The following HSPA12B variants were observed in gnomAD, a reference collection of about 807,000 sequenced individuals.
HSPA12B encodes the protein heat shock protein family A (Hsp70) member 12B, also known as heat shock 70 kDa protein 12B.
HSPA12B carries 54 observed loss-of-function variants against 69.3 expected under a neutral mutation model. The ratio of observed to expected loss-of-function variants is 0.78; its 90% CI spans 0.63 to 0.98. The LOEUF is 0.98. HSPA12B is among the 50% of genes least tolerant of loss of function. The pLI is 0.00. For missense variants in HSPA12B, 929 were observed against 999.8 expected, an observed-to-expected ratio of 0.93 and a Z score of 0.96; for synonymous variants, 441 against 436.5, an observed-to-expected ratio of 1.01 and a Z score of -0.13.
chr20:3,741,968 A>G (rs1257622422), intron 3 of HSPA12B, among the ~76,000 whole-genome samples: 2 of 145,990 alleles, frequency 1.4e-5, no homozygotes, highest in African/African-American at 2.5e-5. Flanking sequence ...ATGGCTGCCT[A>G]TGAAGATGGT....
At position 3,750,094 on chromosome 20, in the gene HSPA12B, G is replaced by A. The variant is rs1404587939; in HGVS notation, c.1168G>A (p.Ala390Thr). The change falls in exon 11 of 13, where the codon GCC becomes ACC. Residue 390 changes from alanine (A) to threonine (T), a missense_variant. Transcript: ENST00000254963. ...RPAAWVDLTIAFEARKRTAGP... is the reference protein window; with the variant it reads ...RPAAWVDLTITFEARKRTAGP... ...GGCAGCCTGGGTAGATCTGACCATCGCCTTCGAGGCTCGCAAGCGCACTGC... is the reference window on the plus strand; with the variant it reads ...GGCAGCCTGGGTAGATCTGACCATCACCTTCGAGGCTCGCAAGCGCACTGC... The A allele has an allele frequency of 6.2e-7, 1 of 1,612,128 alleles. No homozygotes were observed. Among genetic ancestry groups the A allele is most frequent in the East Asian group, 2.2e-5 (1 of 44,846 alleles).
intron 8 of HSPA12B, 41 bp downstream of exon 8, chr20:3,748,432 A>G: frequency 6.8e-7 from 1 of 1,463,944 alleles, no homozygotes. Flanking sequence ...CTGGAGGGTC[A>G]GAGGGTCACT....
At chr20:3,734,305 G>A (rs1170594107) in intron 1 of HSPA12B, among the ~76,000 whole-genome samples, 1 of 152,184 alleles carries the variant, frequency 6.6e-6, no homozygotes, top group Admixed American at 6.5e-5. Flanking sequence ...AATCGGCCCT[G>A]CCTATTGGGT....
chr20:3,751,658 T>C lies in HSPA12B; in HGVS notation c.1553T>C (p.Leu518Pro). The C allele has an allele frequency of 6.6e-7, 1 of 1,521,044 alleles. No homozygotes were observed. The highest frequency in any genetic ancestry group is 8.8e-7 in the Non-Finnish European group (1 of 1,138,944). 94.2% of individuals were successfully genotyped at this position (1,521,044 alleles called of 1,614,324 possible). ...GTCGTGGTCCCGCACGACGTGGGCCTCACCATCCTCAAAGGCGCGGTGCTG... is the reference window on the plus strand; with the variant it reads ...GTCGTGGTCCCGCACGACGTGGGCCCCACCATCCTCAAAGGCGCGGTGCTG... ...LRVVVPHDVG[L>P]TILKGAVLFG... is the part of the protein sequence containing the mutation. Residue 518 changes from leucine (L) to proline (P), a missense_variant, in exon 13 of 13, where the codon CTC becomes CCC. By Grantham distance (98) the Leu-to-Pro change is moderately conservative (BLOSUM62 -3). Transcript: ENST00000254963.
In HSPA12B at chr20:3,750,090, C is replaced by T. The variant is rs760009470; in HGVS notation, c.1164C>T (p.Thr388=). The T allele has an allele frequency of 3.1e-6, 5 of 1,612,182 alleles. No homozygotes were observed. The African/African-American group carries it at 6.7e-5, about 22-fold the overall frequency. Residue 388 remains threonine, a synonymous_variant, in exon 11 of 13, where the codon ACC becomes ACT. Coordinates refer to ENST00000254963, the MANE Select transcript of HSPA12B (RefSeq NM_052970.5). ...RQRPAAWVDL[T]IAFEARKRTA... ...GGCCGGCAGCCTGGGTAGATCTGAC[C>T]ATCGCCTTCGAGGCTCGCAAGCGCA...
chr20:3,742,483 T>A (rs2088220010), intron 4 of HSPA12B, 75 bp downstream of exon 4: 4 of 1,213,154 alleles, frequency 3.3e-6, no homozygotes, highest in Admixed American at 3.6e-5. Context: ...AAAAGTACTG[T>A]CACCGAGACA....
intron 1 of HSPA12B, among the ~76,000 whole-genome samples, chr20:3,733,874 G>A (rs533857238): frequency 6.6e-6 from 1 of 152,182 alleles, no homozygotes; most frequent in Non-Finnish European, 1.5e-5. Context: ...AATGACCTGG[G>A]TGGGCTCTTT....
In HSPA12B at chr20:3,745,038, C is replaced by A. The variant is rs746188452; in HGVS notation, c.403C>A (p.Arg135=). Residue 135 remains arginine, a synonymous_variant, in exon 5 of 13, where the codon CGG becomes AGG. Coordinates refer to ENST00000254963, the MANE Select transcript of HSPA12B (RefSeq NM_052970.5). This position sits in a 1 kb window ranked among gnomAD's most constrained non-coding sequence, Gnocchi z 5.6. The part of the protein sequence containing the change: ...YYHDLDPEEA[R]DWLYFEKFKM... Reference sequence around the variant, plus strand: ...CCATGACCTGGACCCCGAAGAGGCGCGGGACTGGCTCTACTTCGAGAAGTT... The same window carrying A: ...CCATGACCTGGACCCCGAAGAGGCGAGGGACTGGCTCTACTTCGAGAAGTT... 2 of 1,613,768 alleles carry A rather than the reference C, an allele frequency of 1.2e-6. No homozygotes were observed. The highest frequency in any genetic ancestry group is 1.1e-5 in the South Asian group (1 of 91,076).
intron 12 of HSPA12B, 28 bp downstream of exon 12, chr20:3,750,935 C>T (rs779413834): frequency 1.4e-5 from 22 of 1,583,078 alleles, no homozygotes; most frequent in Non-Finnish European, 1.8e-5. Flanking sequence ...GTCCCCCACC[C>T]GCCCCTACAT....
intron 8 of HSPA12B, 30 bp downstream of exon 8, chr20:3,748,421 C>G: frequency 1.3e-6 from 2 of 1,528,506 alleles, no homozygotes; most frequent in Admixed American, 3.9e-5. Context: ...ACCACCCACC[C>G]CTGGAGGGTC....
rs935935348 is a variant in HSPA12B, at chr20:3,743,138, G to A, written c.266+730G>A. Among the ~76,000 whole-genome samples the A allele has an allele frequency of 4.0e-5, 6 of 149,804 alleles. No homozygotes were observed. In the East Asian group the frequency reaches 5.9e-4, roughly 15 times the overall value. On this transcript the variant is annotated intron_variant, in intron 4 of 12. Coordinates refer to ENST00000254963, the MANE Select transcript of HSPA12B (RefSeq NM_052970.5). ...TGACTTCGGGTGATCCGCCAGCCTC[G>A]GCCTCCCAGAGTGCTAGGATTACAG... is the stretch of plus-strand genomic sequence containing the variant.
intron 7 of HSPA12B, 32 bp downstream of exon 7, chr20:3,746,063 GCTCAGGAA>G (rs759685918): frequency 6.5e-7 from 1 of 1,528,560 alleles, no homozygotes. Flanking sequence ...CGAGAACACT[GCTCAGGAA>G]GGGCCAGGCC....
intron 1 of HSPA12B, 139 bp from the exon 2 acceptor site, chr20:3,738,518 TC>T: frequency 2.9e-6 from 2 of 694,816 alleles, no homozygotes; most frequent in Non-Finnish European, 5.1e-6. Context: ...ATTAAAGAGT[TC>T]ACGGGTGAAA....
rs1173727432 is a variant in HSPA12B at position 3,745,803 on chromosome 20, C to G, written c.559-112C>G. On this transcript the variant is annotated intron_variant, in intron 6 of 12. Coordinates refer to ENST00000254963, the MANE Select transcript of HSPA12B (RefSeq NM_052970.5). The surrounding 1 kb of genome is among the most constrained non-coding windows in gnomAD (Gnocchi z 5.6). ...ATGGGAGGGGGGCCGATTCTTCCAG[C>G]TCTGCTGGGAAGTCCTTCCTGTGAT... 9.2e-7 allele frequency: 1 copy of G among 1,081,392 alleles called. No individual in the cohort carries two copies. Among genetic ancestry groups the G allele is most frequent in the African/African-American group, 1.5e-5 (1 of 64,716 alleles). 67.0% of individuals were successfully genotyped at this position (1,081,392 alleles called of 1,614,324 possible).
Position 3,738,672 on chromosome 20 carries a change from A to G in HSPA12B, c.-3A>G. 1 of 1,614,140 alleles carries G rather than the reference A, an allele frequency of 6.2e-7. No homozygotes were observed. On this transcript the variant is annotated 5_prime_UTR_variant, in exon 2 of 13. Transcript: ENST00000254963. ...CCTGTTGACAGCTACAGGGCCTGCA[A>G]GGATGTTGGCTGTCCCGGAGATGGG...
rs1749764596 is a variant in HSPA12B at position 3,737,223 on chromosome 20, G to T, written c.-17-1435G>T. Among the ~76,000 whole-genome samples, 1 of 152,182 alleles carries T rather than the reference G, an allele frequency of 6.6e-6. No individual in the cohort carries two copies. The highest frequency in any genetic ancestry group is 6.6e-5 in the Admixed American group (1 of 15,264). ...CTCAGCCCACACTTTGAGTAACAAAGCTGTTGATGGTTTGAAATATCCTGC... is the reference window on the plus strand; with the variant it reads ...CTCAGCCCACACTTTGAGTAACAAATCTGTTGATGGTTTGAAATATCCTGC... On this transcript the variant is annotated intron_variant, in intron 1 of 12. Coordinates refer to ENST00000254963, the MANE Select transcript of HSPA12B (RefSeq NM_052970.5). This position sits in a 1 kb window ranked among gnomAD's most constrained non-coding sequence, Gnocchi z 4.1.
At position 3,740,956 on chromosome 20, in the gene HSPA12B, G is replaced by A. The variant is rs1453981537; in HGVS notation, c.141+44G>A. ...CCAGGTGGTGGGTGACCTGGCTGGT[G>A]TGGACAGGGTCGTGCGTGGCAAAGT... On this transcript the variant is annotated intron_variant, in intron 3 of 12. Coordinates refer to ENST00000254963, the MANE Select transcript of HSPA12B (RefSeq NM_052970.5). This position sits in a 1 kb window ranked among gnomAD's most constrained non-coding sequence, Gnocchi z 4.9. 3.9e-6 allele frequency: 6 copies of A among 1,536,190 alleles called. No homozygotes were observed. Among genetic ancestry groups the A allele is most frequent in the Non-Finnish European group, 5.3e-6 (6 of 1,121,770 alleles).
intron 1 of HSPA12B, among the ~76,000 whole-genome samples, chr20:3,736,226 C>T (rs2088106820): frequency 6.6e-6 from 1 of 152,214 alleles, no homozygotes; most frequent in Admixed American, 6.5e-5. Flanking sequence ...CCTAAGAACC[C>T]TCCCCTCCCC....
chr20:3,750,285 C>A, intron 11 of HSPA12B, 58 bp downstream of exon 11: 1 of 1,489,796 alleles, frequency 6.7e-7, no homozygotes, highest in Non-Finnish European at 9.0e-7. Context: ...TGACCGTGCA[C>A]TGGAGGGTCC....
Sources: gnomAD v4.1 joint callset for allele counts (sites outside exome capture counted in the v4.1 genomes callset) on GRCh38, gnomAD v4.1.1 for gene constraint, Gnocchi (gnomAD v3.1) non-coding constraint, MANE v1.5 for transcripts, NCBI Gene and HGNC (gene_info 2026-07-23, HGNC 2026-07-21) for gene names.